Variants in ZNF385D observed in about 807,000 individuals in gnomAD.
ZNF385D encodes zinc finger protein 659.
ZNF385D carries 15 observed loss-of-function variants against 35.8 expected under a neutral mutation model. The ratio of observed to expected loss-of-function variants is 0.42; its 90% confidence interval spans 0.28 to 0.64. The LOEUF (loss-of-function observed/expected upper bound fraction) is 0.64. Ranked by LOEUF, ZNF385D falls within the 30% of genes least tolerant of loss-of-function variation. ZNF385D has a pLI of 0.23. For missense variants in ZNF385D, 474 were observed against 494.6 expected, an observed-to-expected ratio of 0.96 and a Z score of 0.39; for synonymous variants, 212 against 186.8, an observed-to-expected ratio of 1.13 and a Z score of -1.10.
chr3:21,830,073 G>A (rs1333574902), intron 3 of ZNF385D, among the ~76,000 whole-genome samples: 6 of 151,958 alleles, frequency 3.9e-5, no homozygotes, highest in South Asian at 2.1e-4. Context: ...GCAGTGGCCC[G>A]AGATATCACT....
At chr3:22,123,866 A>AAAACC (rs201493800) in intron 3 of ZNF385D, among the ~76,000 whole-genome samples, 31,695 of 146,414 alleles carry the variant, frequency 0.22, 3,761 homozygotes, top group Middle Eastern at 0.25. Context: ...CTGTCTCAGA[A>AAAACC]AAACCAAACC....
At chr3:21,772,891 A>C (rs34439202) in intron 3 of ZNF385D, among the ~76,000 whole-genome samples, 45,729 of 151,608 alleles carry the variant, frequency 0.3, 7,645 homozygotes, top group Middle Eastern at 0.47. Flanking sequence ...AAATGAAGAA[A>C]ATTTTGATGT....
At position 21,975,699 on chromosome 3, in the gene ZNF385D, C is replaced by G. The variant is rs1349212052; in HGVS notation, c.325+193118G>C. Among the ~76,000 whole-genome samples the G allele has an allele frequency of 4.6e-5, 5 of 109,098 alleles. No homozygotes were observed. The East Asian group carries it at 1.3e-3, about 27-fold the overall frequency. 71.6% of individuals were successfully genotyped at this position (109,098 alleles called of 152,430 possible). A position where few individuals can be genotyped will look rare whatever the true frequency, so the allele number is the denominator to read the frequency against. On this transcript the variant is annotated intron_variant, in intron 3 of 5. Coordinates refer to the ZNF385D transcript ENST00000494108. Reference sequence around the variant, plus strand: ...AAAATATATACCTATTATGTACCCACGAAATATATATATATATATATATAT... The same window carrying G: ...AAAATATATACCTATTATGTACCCAGGAAATATATATATATATATATATAT...
At chr3:21,810,487 T>G (rs938669344) in intron 3 of ZNF385D, among the ~76,000 whole-genome samples, 1 of 152,086 alleles carries the variant, frequency 6.6e-6, no homozygotes, top group Non-Finnish European at 1.5e-5. Flanking sequence ...CAAACCTGCA[T>G]GTTGTGCACA....
At position 21,443,182 on chromosome 3, in the gene ZNF385D, G is replaced by A. The variant is rs73145240; in HGVS notation, c.440-5979C>T. 2,241 of 985,278 alleles carry A rather than the reference G, an allele frequency of 2.3e-3. 43 individuals carry two copies. The African/African-American group carries it at 0.037, about 16-fold the overall frequency. The allele number at this position is 985,278 out of a possible 1,614,324, so 61.0% of individuals were successfully genotyped here. On this transcript the variant is annotated intron_variant, in intron 4 of 7. Transcript: ENST00000281523. ...TCCACTTTGCAGGGTACCTGATTTGGGTAGGTCCAGTCACCAGCCAGAAGT... is the reference window on the plus strand; with the variant it reads ...TCCACTTTGCAGGGTACCTGATTTGAGTAGGTCCAGTCACCAGCCAGAAGT...
intron 2 of ZNF385D, among the ~76,000 whole-genome samples, chr3:21,637,570 A>T (rs1276901182): frequency 3.9e-5 from 6 of 152,064 alleles, no homozygotes; most frequent in African/African-American, 7.2e-5. Flanking sequence ...ATTTTTGCTT[A>T]GTCTTGCTTT....
In ZNF385D at chr3:22,065,093, G is replaced by C. The variant is rs1699870079; in HGVS notation, c.325+103724C>G. On this transcript the variant is annotated intron_variant, in intron 3 of 5. Transcript: ENST00000494108. ...TAAACAAATTAGTTAGCCTTTCCTGGCTTTGATTTTAAATAGAAACATAAA... is the reference window on the plus strand; with the variant it reads ...TAAACAAATTAGTTAGCCTTTCCTGCCTTTGATTTTAAATAGAAACATAAA... Among the ~76,000 whole-genome samples, 3 of 152,084 alleles carry C rather than the reference G, an allele frequency of 2.0e-5. No homozygotes were observed. The South Asian group carries it at 6.2e-4, about 32-fold the overall frequency.
At chr3:21,905,562 G>A (rs1383857452) in intron 3 of ZNF385D, among the ~76,000 whole-genome samples, 1 of 151,886 alleles carries the variant, frequency 6.6e-6, no homozygotes, top group East Asian at 1.9e-4. Flanking sequence ...TGAAAGGAAG[G>A]AAAGCAAATG....
intron 2 of ZNF385D, among the ~76,000 whole-genome samples, chr3:22,216,032 G>T (rs1030396895): frequency 1.6e-4 from 24 of 151,940 alleles, no homozygotes; most frequent in Non-Finnish European, 3.4e-4. Context: ...CTATGACTTT[G>T]CCATAGTCTG....
At chr3:22,285,089 A>T (rs1232603310) in intron 2 of ZNF385D, among the ~76,000 whole-genome samples, 1 of 152,156 alleles carries the variant, frequency 6.6e-6, no homozygotes, top group Non-Finnish European at 1.5e-5. Flanking sequence ...ATAGAAAAAA[A>T]TTGGAATTTT....
At chr3:21,906,009 A>C (rs1699666706) in intron 3 of ZNF385D, among the ~76,000 whole-genome samples, 1 of 152,208 alleles carries the variant, frequency 6.6e-6, no homozygotes. Flanking sequence ...AGTGGGTTCA[A>C]GTCCCATAAA....
intron 2 of ZNF385D, among the ~76,000 whole-genome samples, chr3:22,220,089 G>T (rs538255115): frequency 3.4e-5 from 5 of 149,044 alleles, no homozygotes; most frequent in African/African-American, 4.9e-5. Context: ...TTGAGACAGG[G>T]TCTTGGTTTT....
At chr3:21,487,189 C>T (rs1454239208) in intron 4 of ZNF385D, among the ~76,000 whole-genome samples, 1 of 152,098 alleles carries the variant, frequency 6.6e-6, no homozygotes, top group African/African-American at 2.4e-5. Flanking sequence ...CGCACTTTAC[C>T]CTCAAGCTTT....
chr3:22,359,451 ATAGAACT>A (rs1696314473), intron 2 of ZNF385D, among the ~76,000 whole-genome samples: 1 of 151,882 alleles, frequency 6.6e-6, no homozygotes, highest in Non-Finnish European at 1.5e-5. Flanking sequence ...GGGCATATTG[ATAGAACT>A]TAGGACTGGT....
chr3:21,479,558 G>T (rs1373945657), intron 4 of ZNF385D, among the ~76,000 whole-genome samples: 1 of 152,074 alleles, frequency 6.6e-6, no homozygotes, highest in Non-Finnish European at 1.5e-5. Flanking sequence ...GTATGGCAAA[G>T]GTATTTAAGG....
intron 3 of ZNF385D, among the ~76,000 whole-genome samples, chr3:21,969,057 G>A (rs1229792566): frequency 2.0e-5 from 3 of 152,102 alleles, no homozygotes; most frequent in African/African-American, 7.2e-5. Context: ...GGTCTTGAGT[G>A]AACATTAATA....
chr3:22,025,261 G>C (rs1697465942), intron 3 of ZNF385D, among the ~76,000 whole-genome samples: 1 of 152,156 alleles, frequency 6.6e-6, no homozygotes, highest in Admixed American at 6.5e-5. Context: ...TGAGGCAACA[G>C]TGATGGCCTC....
intron 4 of ZNF385D, among the ~76,000 whole-genome samples, chr3:21,506,159 T>G (rs1706759535): frequency 6.6e-6 from 1 of 152,182 alleles, no homozygotes; most frequent in Admixed American, 6.6e-5. Context: ...CCTGCCCCAT[T>G]GTAATCAGGC....
chr3:21,693,881 TC>T (rs1161372747), intron 1 of ZNF385D, among the ~76,000 whole-genome samples: 3 of 145,716 alleles, frequency 2.1e-5, no homozygotes, highest in East Asian at 2.0e-4. Context: ...TCTTTTTTTT[TC>T]TTTTTTTTTT....
Sources: allele counts gnomAD v4.1 joint callset (sites outside exome capture counted in the v4.1 genomes callset), GRCh38; gene constraint gnomAD v4.1.1; transcripts MANE v1.5; gene names NCBI Gene and HGNC (gene_info 2026-07-23, HGNC 2026-07-21).